GRXCR1: variants seen among roughly 807,000 people sequenced by gnomAD.
GRXCR1 encodes glutaredoxin and cysteine rich domain containing 1.
In GRXCR1, 27 loss-of-function variants were observed where a neutral mutation model predicts 27.3. The observed-to-expected ratio is 0.99, with a 90% CI of 0.73 to 1.37. The LOEUF (loss-of-function observed/expected upper bound fraction) is 1.37. Ranked by LOEUF, GRXCR1 falls within the 40% of genes most tolerant of loss-of-function variation. The pLI is 0.00. For missense variants in GRXCR1, 379 were observed against 354.4 expected, an observed-to-expected ratio of 1.07 and a Z score of -0.56; for synonymous variants, 122 against 131.1, an observed-to-expected ratio of 0.93 and a Z score of 0.47.
At chr4:42,963,401 G>A (rs948057232) in intron 2 of GRXCR1, among the ~76,000 whole-genome samples, 33 of 151,958 alleles carry the variant, frequency 2.2e-4, no homozygotes, top group African/African-American at 7.5e-4. Context: ...GTTAACTTCA[G>A]TTTTGCACTG....
intron 2 of GRXCR1, among the ~76,000 whole-genome samples, chr4:43,000,280 C>T (rs910414432): frequency 6.6e-6 from 1 of 151,924 alleles, no homozygotes; most frequent in Non-Finnish European, 1.5e-5. Context: ...GAGATTGAGA[C>T]CATCCTGGCC....
intron 2 of GRXCR1, among the ~76,000 whole-genome samples, chr4:42,976,141 A>AT (rs531585460): frequency 2.6e-5 from 4 of 151,912 alleles, no homozygotes; most frequent in East Asian, 1.9e-4. Flanking sequence ...TTGTTTAATG[A>AT]TTTTTTTATG....
chr4:42,901,488 C>G (rs1397250132), intron 1 of GRXCR1, among the ~76,000 whole-genome samples: 1 of 152,146 alleles, frequency 6.6e-6, no homozygotes, highest in African/African-American at 2.4e-5. Flanking sequence ...TCCACTATTA[C>G]ATCTTCTCTA....
intron 1 of GRXCR1, among the ~76,000 whole-genome samples, chr4:42,916,537 T>C (rs1746890824): frequency 1.3e-5 from 2 of 152,210 alleles, no homozygotes; most frequent in South Asian, 4.1e-4. Flanking sequence ...TTTGGATTTA[T>C]CTGATATTTC....
At chr4:42,954,903 G>T (rs1747963043) in intron 1 of GRXCR1, among the ~76,000 whole-genome samples, 1 of 152,164 alleles carries the variant, frequency 6.6e-6, no homozygotes, top group South Asian at 2.1e-4. Context: ...AAGAATTCAA[G>T]ATGTGATTTG....
chr4:42,897,303 A>AT (rs1456928743), intron 1 of GRXCR1, among the ~76,000 whole-genome samples: 1 of 152,150 alleles, frequency 6.6e-6, no homozygotes, highest in South Asian at 2.1e-4. Context: ...TCAGACAGCG[A>AT]TTTTTTTCTT....
intron 1 of GRXCR1, among the ~76,000 whole-genome samples, chr4:42,896,836 C>A (rs1162340019): frequency 6.6e-6 from 1 of 151,948 alleles, no homozygotes; most frequent in Non-Finnish European, 1.5e-5. Flanking sequence ...TTCTTTTGAT[C>A]AGGTTAGATT....
At chr4:43,028,948 G>T (rs960999910) in intron 3 of GRXCR1, among the ~76,000 whole-genome samples, 1 of 152,072 alleles carries the variant, frequency 6.6e-6, no homozygotes, top group Admixed American at 6.5e-5. Context: ...CATTAGAAAC[G>T]AGATATTATA....
intron 2 of GRXCR1, among the ~76,000 whole-genome samples, chr4:43,012,996 G>A (rs1032185591): frequency 6.6e-6 from 1 of 152,072 alleles, no homozygotes; most frequent in Non-Finnish European, 1.5e-5. Flanking sequence ...CTCACAGTCA[G>A]AATGGCTGTT....
chr4:42,990,232 C>A (rs1711924758), intron 2 of GRXCR1, among the ~76,000 whole-genome samples: 1 of 103,930 alleles, frequency 9.6e-6, no homozygotes, highest in Non-Finnish European at 1.8e-5. Flanking sequence ...CGCTCTGTCG[C>A]CCAGGCTGGA....
chr4:42,897,122 T>G (rs781022143), intron 1 of GRXCR1, among the ~76,000 whole-genome samples: 1 of 152,186 alleles, frequency 6.6e-6, no homozygotes, highest in East Asian at 1.9e-4. Flanking sequence ...GCTAAGCAAA[T>G]TATAAAATCA....
At chr4:42,902,828 C>T (rs1746491208) in intron 1 of GRXCR1, among the ~76,000 whole-genome samples, 1 of 152,058 alleles carries the variant, frequency 6.6e-6, no homozygotes, top group Non-Finnish European at 1.5e-5. Context: ...GCACATGTAC[C>T]CCTGAACTTA....
intron 2 of GRXCR1, among the ~76,000 whole-genome samples, chr4:42,973,654 G>A (rs1422703394): frequency 1.3e-5 from 2 of 152,074 alleles, no homozygotes; most frequent in Non-Finnish European, 2.9e-5. Flanking sequence ...TGTAGTATAT[G>A]TGGATCTCTA....
chr4:42,893,196 C>T lies in GRXCR1; in HGVS notation c.-71C>T, dbSNP rs1248285425. On this transcript the variant is annotated 5_prime_UTR_variant, in exon 1 of 4. Coordinates refer to ENST00000399770, the MANE Select transcript of GRXCR1 (RefSeq NM_001080476.3). ...CTAGAATTGGCTCTGATATTGCTAT[C>T]TGGCAAGTGGACTAGTGCAGTAACA... 2 of 1,564,156 alleles carry T rather than the reference C, an allele frequency of 1.3e-6. No individual in the cohort carries two copies. The highest frequency in any genetic ancestry group is 8.8e-7 in the Non-Finnish European group (1 of 1,136,670).
rs745501581 is a variant in GRXCR1, at chr4:42,893,327, G to T, written c.61G>T (p.Ala21Ser). The T allele has an allele frequency of 6.2e-7, 1 of 1,613,754 alleles. No homozygotes were observed. The change falls in exon 1 of 4, where the codon GCG (alanine) becomes TCG (serine). Residue 21 changes from alanine to serine, a missense_variant. Ala to Ser is a moderately conservative substitution (Grantham distance 99, BLOSUM62 1). Coordinates refer to ENST00000399770, the MANE Select transcript of GRXCR1 (RefSeq NM_001080476.3). The part of the protein sequence containing the change: ...DRPRKVRFRI[A>S]SSHSGRVLKE... ...GCCACGGAAAGTCCGGTTTCGGATC[G>T]CGTCCTCTCACAGTGGGCGAGTTCT... is the stretch of plus-strand genomic sequence containing the variant.
chr4:42,910,624 A>AGCTGTG (rs1304085060), intron 1 of GRXCR1, among the ~76,000 whole-genome samples: 1 of 152,246 alleles, frequency 6.6e-6, no homozygotes, highest in African/African-American at 2.4e-5. Context: ...TGTTTATTGA[A>AGCTGTG]GCTGTGGCTG....
chr4:42,921,982 T>C (rs562956518), intron 1 of GRXCR1, among the ~76,000 whole-genome samples: 1 of 152,242 alleles, frequency 6.6e-6, no homozygotes, highest in South Asian at 2.1e-4. Flanking sequence ...TTCTCTGGCA[T>C]TGGTTGGTGG....
At position 42,922,112 on chromosome 4, in the gene GRXCR1, A is replaced by G. The variant is rs527727290; in HGVS notation, c.384+28462A>G. 1.2e-4 allele frequency among the ~76,000 whole-genome samples: 19 copies of G among 152,294 alleles called. No individual in the cohort carries two copies. In the South Asian group the frequency reaches 3.7e-3, roughly 30 times the overall value. ...AAGTTATAGATCAAGGTAACAAAGT[A>G]TTAAATAAAATATGTTCCATGCCCT... is the stretch of plus-strand genomic sequence containing the variant. On this transcript the variant is annotated intron_variant, in intron 1 of 3. Transcript: ENST00000399770.
chr4:42,911,513 A>G (rs1746722292), intron 1 of GRXCR1, among the ~76,000 whole-genome samples: 1 of 152,144 alleles, frequency 6.6e-6, no homozygotes, highest in African/African-American at 2.4e-5. Flanking sequence ...CAGGAAAATA[A>G]GTAGCAGAAA....
Sources: gnomAD v4.1 joint callset for allele counts (sites outside exome capture counted in the v4.1 genomes callset) on GRCh38, gnomAD v4.1.1 for gene constraint, MANE v1.5 for transcripts, NCBI Gene and HGNC (gene_info 2026-07-23, HGNC 2026-07-21) for gene names.